The following TNFSF4 variants were observed in gnomAD, a reference collection of about 807,000 sequenced individuals.
TNFSF4 encodes the protein TNF superfamily member 4.
Under a neutral mutation model 7.3 loss-of-function variants are expected in TNFSF4, and 4 were observed. The ratio of observed to expected loss-of-function variants is 0.55; its 90% CI spans 0.27 to 1.25. The LOEUF is 1.25. TNFSF4 is among the 50% of genes most tolerant of loss of function. The pLI, the probability that TNFSF4 is intolerant of heterozygous loss-of-function variation, is 0.12. For synonymous variants in TNFSF4, 76 were observed against 83.7 expected (o/e 0.91, Z 0.50); for missense variants, 181 against 208.8 (o/e 0.87, Z 0.82).
chr1:173,351,535 T>C, the TNFSF4 span, among the ~76,000 whole-genome samples: 5 of 144,934 alleles, frequency 3.4e-5, no homozygotes, highest in African/African-American at 1.3e-4. Flanking sequence ...TTTTGGCTGC[T>C]CCCACTTTGG....
chr1:173,417,290 A>C, the TNFSF4 span, among the ~76,000 whole-genome samples: 11 of 152,328 alleles, frequency 7.2e-5, no homozygotes, highest in Admixed American at 1.3e-4. Context: ...GAATAATGAA[A>C]TACCCGCTTC....
chr1:173,408,940 A>C, the TNFSF4 span, among the ~76,000 whole-genome samples: 1 of 152,172 alleles, frequency 6.6e-6, no homozygotes, highest in Admixed American at 6.5e-5. Context: ...AATATTTACA[A>C]ATTTTTTTAA....
chr1:173,334,081 G>A, the TNFSF4 span, among the ~76,000 whole-genome samples: 1 of 151,704 alleles, frequency 6.6e-6, no homozygotes, highest in Admixed American at 6.6e-5. Context: ...TGTTTCTCTG[G>A]TGAACCCTGA....
At chr1:173,173,072 T>C in the TNFSF4 span, among the ~76,000 whole-genome samples, 1 of 152,158 alleles carries the variant, frequency 6.6e-6, no homozygotes. Context: ...TGAGAACAGC[T>C]TGGGGGAACT....
the TNFSF4 span, among the ~76,000 whole-genome samples, chr1:173,374,444 C>T: frequency 2.0e-5 from 3 of 152,028 alleles, no homozygotes; most frequent in African/African-American, 4.8e-5. Context: ...TTCACCACAC[C>T]GGAGTTAAAC....
At chr1:173,314,292 C>T in the TNFSF4 span, among the ~76,000 whole-genome samples, 3 of 152,054 alleles carry the variant, frequency 2.0e-5, no homozygotes, top group Non-Finnish European at 4.4e-5. Context: ...GTTTTATAAT[C>T]ACGGTAAAAA....
the TNFSF4 span, among the ~76,000 whole-genome samples, chr1:173,273,040 T>C: frequency 3.3e-5 from 5 of 152,296 alleles, no homozygotes; most frequent in Non-Finnish European, 5.9e-5. Context: ...AGGCTATTAT[T>C]TCTTCTGTGA....
the TNFSF4 span, among the ~76,000 whole-genome samples, chr1:173,245,210 A>G: frequency 1.3e-5 from 2 of 152,164 alleles, no homozygotes; most frequent in African/African-American, 2.4e-5. Flanking sequence ...TTCTTTTAAA[A>G]ATGTTTTAAA....
chr1:173,328,567 CAA>C, the TNFSF4 span, among the ~76,000 whole-genome samples: 1 of 139,026 alleles, frequency 7.2e-6, no homozygotes, highest in African/African-American at 2.7e-5. Context: ...TACCCCCCCC[CAA>C]AAAAAAAACC....
the TNFSF4 span, among the ~76,000 whole-genome samples, chr1:173,448,193 A>C: frequency 9.2e-4 from 140 of 152,364 alleles, 1 homozygote; most frequent in African/African-American, 3.1e-3. Context: ...TTCCTCTCAC[A>C]GTAATTGATA....
At chr1:173,377,353 G>A in the TNFSF4 span, among the ~76,000 whole-genome samples, 3 of 152,160 alleles carry the variant, frequency 2.0e-5, no homozygotes, top group Non-Finnish European at 4.4e-5. Flanking sequence ...TTCTGGAAAA[G>A]GGCTCTCTAA....
At chr1:173,446,359 AT>A in the TNFSF4 span, among the ~76,000 whole-genome samples, 1 of 152,248 alleles carries the variant, frequency 6.6e-6, no homozygotes, top group Non-Finnish European at 1.5e-5. Flanking sequence ...AGTTAAAAAC[AT>A]ATGTCCACAC....
At chr1:173,226,115 T>C in the TNFSF4 span, among the ~76,000 whole-genome samples, 3 of 152,246 alleles carry the variant, frequency 2.0e-5, no homozygotes, top group Admixed American at 1.3e-4. Flanking sequence ...CCTAATTATA[T>C]GTACATCATC....
At chr1:173,407,372 C>T in the TNFSF4 span, among the ~76,000 whole-genome samples, 272 of 151,648 alleles carry the variant, frequency 1.8e-3, 1 homozygote, top group African/African-American at 6.3e-3. Flanking sequence ...CCACCCTAGG[C>T]GATATGACGA....
At chr1:173,386,654 T>C in the TNFSF4 span, among the ~76,000 whole-genome samples, 1 of 152,038 alleles carries the variant, frequency 6.6e-6, no homozygotes. Flanking sequence ...TTGAGACCTG[T>C]AGAGCCATCA....
At chr1:173,215,057 C>G in the TNFSF4 span, among the ~76,000 whole-genome samples, 1 of 152,090 alleles carries the variant, frequency 6.6e-6, no homozygotes, top group Admixed American at 6.6e-5. Context: ...GAGATGGAGC[C>G]TTTGGAAAGT....
the TNFSF4 span, among the ~76,000 whole-genome samples, chr1:173,221,228 T>C: frequency 6.6e-6 from 1 of 152,248 alleles, no homozygotes; most frequent in African/African-American, 2.4e-5. Flanking sequence ...GGGGCTAGAC[T>C]GAATGGAGCC....
chr1:173,220,892 C>T, the TNFSF4 span, among the ~76,000 whole-genome samples: 2 of 152,104 alleles, frequency 1.3e-5, no homozygotes, highest in Non-Finnish European at 2.9e-5. Flanking sequence ...GACCCACATA[C>T]TCACACTCAC....
the TNFSF4 span, among the ~76,000 whole-genome samples, chr1:173,298,056 T>C: frequency 6.6e-6 from 1 of 151,792 alleles, no homozygotes; most frequent in African/African-American, 2.4e-5. Context: ...TCACTTACTT[T>C]CAGGACAGGG....
Sources: gnomAD v4.1 joint callset for allele counts (sites outside exome capture counted in the v4.1 genomes callset) on GRCh38, gnomAD v4.1.1 for gene constraint, MANE v1.5 for transcripts, NCBI Gene and HGNC (gene_info 2026-07-23, HGNC 2026-07-21) for gene names.